The following TRIM24 variants were observed in gnomAD, a reference collection of about 807,000 sequenced individuals.
TRIM24 encodes transcription intermediary factor 1-alpha.
In TRIM24, 29 loss-of-function variants were observed where a neutral mutation model predicts 123.9. The ratio of observed to expected loss-of-function variants is 0.23; its 90% confidence interval spans 0.17 to 0.32. TRIM24 has a LOEUF of 0.32. Ranked by LOEUF, TRIM24 falls within the 10% of genes least tolerant of loss-of-function variation. The probability of loss-of-function intolerance (pLI) is 1.00; values close to 1 mark genes in which losing one functional copy is unlikely to be tolerated. For synonymous variants in TRIM24, 456 were observed against 461.1 expected (o/e 0.99, Z 0.14); for missense variants, 932 against 1,295.3 (o/e 0.72, Z 4.31).
Position 138,588,488 on chromosome 7 carries a change from T to G in TRIM24, c.*3537T>G, listed in dbSNP as rs1798054868. 6.9e-6 allele frequency: 1 copy of G among 145,560 alleles called. No homozygotes were observed. Among genetic ancestry groups the G allele is most frequent in the South Asian group, 2.2e-4 (1 of 4,598 alleles). 9.0% of individuals were successfully genotyped at this position (145,560 alleles called of 1,614,324 possible). A position where few individuals can be genotyped will look rare whatever the true frequency, so the allele number is the denominator to read the frequency against. On this transcript the variant is annotated 3_prime_UTR_variant, in exon 19 of 19. Coordinates refer to ENST00000343526, the MANE Select transcript of TRIM24 (RefSeq NM_015905.3). ...GGCCGAGGTGGGTAGATACCTGAGG[T>G]CAGGAGTTTGAGACCAGCCTGACCA...
chr7:138,559,613 T>C (rs898865859), intron 9 of TRIM24, among the ~76,000 whole-genome samples: 1 of 152,124 alleles, frequency 6.6e-6, no homozygotes, highest in Non-Finnish European at 1.5e-5. Flanking sequence ...CATAGACTGG[T>C]CAGCTTCCAG....
intron 7 of TRIM24, among the ~76,000 whole-genome samples, chr7:138,546,199 C>T (rs559134006): frequency 2.0e-4 from 31 of 152,136 alleles, no homozygotes; most frequent in Non-Finnish European, 4.0e-4. Context: ...TGACATCCTA[C>T]GTTTCCTGGC....
intron 1 of TRIM24, chr7:138,461,440 A>G: frequency 2.8e-6 from 1 of 359,444 alleles, no homozygotes; most frequent in Non-Finnish European, 5.4e-6. Flanking sequence ...CTTATCTTGC[A>G]TGTTTGGGGC....
chr7:138,478,878 C>A (rs570573552), intron 1 of TRIM24, among the ~76,000 whole-genome samples: 1 of 152,200 alleles, frequency 6.6e-6, no homozygotes, highest in Non-Finnish European at 1.5e-5. Context: ...AGTTTGGTTT[C>A]TTTTTGCTTA....
chr7:138,518,630 T>G (rs1422818978), intron 3 of TRIM24, among the ~76,000 whole-genome samples: 1 of 152,182 alleles, frequency 6.6e-6, no homozygotes, highest in African/African-American at 2.4e-5. Context: ...TTATTATATT[T>G]TCTTTCTTCC....
intron 1 of TRIM24, among the ~76,000 whole-genome samples, chr7:138,473,838 A>ATGGCTCACTACAGCCT (rs1795334244): frequency 6.6e-6 from 1 of 152,182 alleles, no homozygotes; most frequent in Non-Finnish European, 1.5e-5. Context: ...GTTGACAGTC[A>ATGGCTCACTACAGCCT]TGGCTCACTA....
chr7:138,584,796 C>A lies in TRIM24; in HGVS notation c.2998C>A (p.Leu1000Ile). 6.2e-7 allele frequency: 1 copy of A among 1,612,874 alleles called. No homozygotes were observed. Among genetic ancestry groups the A allele is most frequent in the Non-Finnish European group, 8.5e-7 (1 of 1,179,628 alleles). ...AAAACTTGAAAATTATTTTGAAGAA[C>A]TTCTAAAGAACCTCTATCCAGAAAA... ...GIKLENYFEELLKNLYPEKRF... is the reference protein window; with the variant it reads ...GIKLENYFEEILKNLYPEKRF... The change falls in exon 19 of 19, where the codon CTT (leucine) becomes ATT (isoleucine). Residue 1000 changes from leucine (L) to isoleucine (I), a missense_variant. Leu to Ile is a conservative substitution (Grantham distance 5, BLOSUM62 2). This residue lies in a region of TRIM24 where 104 missense variants were observed against 121.5 expected (regional missense o/e 0.86). Coordinates refer to ENST00000343526, the MANE Select transcript of TRIM24 (RefSeq NM_015905.3).
At chr7:138,576,247 C>G in intron 12 of TRIM24, 126 bp from the exon 13 acceptor site, 1 of 913,038 alleles carries the variant, frequency 1.1e-6, no homozygotes, top group African/African-American at 1.6e-5. Flanking sequence ...TCAGCAACTA[C>G]TTACTGTTTC....
intron 1 of TRIM24, among the ~76,000 whole-genome samples, chr7:138,469,246 AT>A (rs1367441615): frequency 6.6e-6 from 1 of 150,904 alleles, no homozygotes; most frequent in Non-Finnish European, 1.5e-5. Flanking sequence ...TCTCTGTTTA[AT>A]TTTTCTTCAA....
chr7:138,462,335 A>C, intron 1 of TRIM24, among the ~76,000 whole-genome samples: 1 of 150,758 alleles, frequency 6.6e-6, no homozygotes. Context: ...CTAGTGCAAA[A>C]ATCTTTTTTT....
chr7:138,483,337 C>A (rs538845364), intron 1 of TRIM24, among the ~76,000 whole-genome samples: 3 of 152,306 alleles, frequency 2.0e-5, no homozygotes, highest in African/African-American at 7.2e-5. Context: ...CTAATCATAT[C>A]ATCTGTGAAT....
At position 138,589,942 on chromosome 7, in the gene TRIM24, TTTCC is replaced by T. The variant is rs1798077773; in HGVS notation, c.*4994_*4997del. 3 of 152,368 alleles carry T rather than the reference TTTCC, an allele frequency of 2.0e-5. No homozygotes were observed. The highest frequency in any genetic ancestry group is 7.2e-5 in the African/African-American group (3 of 41,588). The allele number at this position is 152,368 out of a possible 1,614,324, so 9.4% of individuals were successfully genotyped here. ...TCCTAATTTGAGTCCTAAAAAAATC[TTTCC>T]TTGTTAGTTGCAAGTTAAACATTTA... On this transcript the variant is annotated 3_prime_UTR_variant, in exon 19 of 19. Coordinates refer to ENST00000343526, the MANE Select transcript of TRIM24 (RefSeq NM_015905.3).
At chr7:138,488,583 T>G (rs1392577928) in intron 1 of TRIM24, among the ~76,000 whole-genome samples, 2 of 152,218 alleles carry the variant, frequency 1.3e-5, no homozygotes, top group Admixed American at 1.3e-4. Flanking sequence ...ACATCTTTAT[T>G]TCTGCCTTCA....
At chr7:138,556,873 G>A (rs1048276939) in intron 9 of TRIM24, among the ~76,000 whole-genome samples, 1 of 152,160 alleles carries the variant, frequency 6.6e-6, no homozygotes, top group Non-Finnish European at 1.5e-5. Context: ...CAAAGACAGG[G>A]CTTGACTTTT....
chr7:138,507,982 A>T (rs994929602), intron 2 of TRIM24, among the ~76,000 whole-genome samples: 5 of 152,134 alleles, frequency 3.3e-5, no homozygotes, highest in Non-Finnish European at 7.4e-5. Context: ...CATTATTATC[A>T]AATATCTAAG....
intron 7 of TRIM24, among the ~76,000 whole-genome samples, chr7:138,549,158 G>T (rs946231060): frequency 2.0e-5 from 3 of 152,338 alleles, no homozygotes; most frequent in South Asian, 2.1e-4. Context: ...CTGGTGCTGT[G>T]ATGTTACAAC....
At chr7:138,523,438 A>G (rs1254046800) in intron 4 of TRIM24, among the ~76,000 whole-genome samples, 1 of 152,198 alleles carries the variant, frequency 6.6e-6, no homozygotes, top group East Asian at 1.9e-4. Context: ...ACACAGATGA[A>G]TGTACCATAT....
intron 2 of TRIM24, among the ~76,000 whole-genome samples, chr7:138,507,880 G>A (rs10241942): frequency 0.021 from 3,216 of 151,666 alleles, 93 homozygotes; most frequent in African/African-American, 0.071. Context: ...GCTGCAGTGA[G>A]CCATAATCAT....
chr7:138,580,439 G>A, intron 15 of TRIM24, 123 bp from the exon 16 acceptor site: 1 of 1,259,008 alleles, frequency 7.9e-7, no homozygotes. Context: ...AATGCTCAGT[G>A]ATTAAAATTC....
Sources: allele counts gnomAD v4.1 joint callset (sites outside exome capture counted in the v4.1 genomes callset), GRCh38; gene constraint gnomAD v4.1.1; regional missense constraint gnomAD v4.1.1; transcripts MANE v1.5; gene names NCBI Gene and HGNC (gene_info 2026-07-23, HGNC 2026-07-21).